The following DLGAP1 variants were observed in gnomAD, a reference collection of about 807,000 sequenced individuals.
The protein encoded by DLGAP1 is DLG associated protein 1.
In DLGAP1, 11 loss-of-function variants were observed where a neutral mutation model predicts 90.8. The observed-to-expected ratio is 0.12, with a 90% CI of 0.08 to 0.20. The LOEUF (loss-of-function observed/expected upper bound fraction) is 0.20. Ranked by LOEUF, DLGAP1 falls within the 10% of genes least tolerant of loss-of-function variation. The pLI, the probability that DLGAP1 is intolerant of heterozygous loss-of-function variation, is 1.00. For missense variants in DLGAP1, 1,050 were observed against 1,333.8 expected (o/e 0.79, Z 3.31); for synonymous variants, 558 against 540.7 (o/e 1.03, Z -0.44).
chr18:4,208,132 CAACA>C (rs1468782690), intron 1 of DLGAP1, among the ~76,000 whole-genome samples: 1 of 152,146 alleles, frequency 6.6e-6, no homozygotes, highest in African/African-American at 2.4e-5. Context: ...ATTCTTGATA[CAACA>C]ATCAGAGAGG....
chr18:3,610,662 C>T (rs1035133751), intron 7 of DLGAP1, among the ~76,000 whole-genome samples: 1 of 151,486 alleles, frequency 6.6e-6, no homozygotes, highest in Non-Finnish European at 1.5e-5. Context: ...TGGCAAAATG[C>T]TGTCTACTAA....
At chr18:3,807,529 G>A (rs1251061178) in intron 5 of DLGAP1, among the ~76,000 whole-genome samples, 1 of 152,122 alleles carries the variant, frequency 6.6e-6, no homozygotes, top group Non-Finnish European at 1.5e-5. Flanking sequence ...CGTATGTAAA[G>A]CCCGTAGCAC....
chr18:3,691,426 C>CA (rs34761241), intron 7 of DLGAP1, among the ~76,000 whole-genome samples: 1,873 of 123,598 alleles, frequency 0.015, 23 homozygotes, highest in South Asian at 0.056. Context: ...GACTCTGTCT[C>CA]AAAAAAAAAA....
At chr18:4,242,455 A>T (rs1489004257) in intron 1 of DLGAP1, among the ~76,000 whole-genome samples, 1 of 152,172 alleles carries the variant, frequency 6.6e-6, no homozygotes, top group Non-Finnish European at 1.5e-5. Flanking sequence ...GCCAGGCATT[A>T]AGGAGGATTT....
In DLGAP1 at chr18:4,413,872, T is replaced by C. The variant is rs139584927; in HGVS notation, c.-267+41134A>G. Among the ~76,000 whole-genome samples, 767 of 152,342 alleles carry C rather than the reference T, an allele frequency of 5.0e-3. 6 individuals carry two copies. Among genetic ancestry groups the C allele is most frequent in the African/African-American group, 0.018 (738 of 41,582 alleles). On this transcript the variant is annotated intron_variant, in intron 1 of 12. Transcript: ENST00000315677. ...TTACAGCATGGCCACACTTTATTTA[T>C]ATACTCTATACTTCAAGAAAACGGT...
intron 7 of DLGAP1, among the ~76,000 whole-genome samples, chr18:3,637,632 A>G (rs2058765712): frequency 6.6e-6 from 1 of 151,252 alleles, no homozygotes; most frequent in South Asian, 2.1e-4. Context: ...CTATAGTCCC[A>G]GCTACTCAAG....
At position 4,439,683 on chromosome 18, in the gene DLGAP1, C is replaced by G. The variant is rs1289893223; in HGVS notation, c.-267+15323G>C. Among the ~76,000 whole-genome samples the G allele has an allele frequency of 4.6e-5, 7 of 152,008 alleles. No individual in the cohort carries two copies. In the East Asian group the frequency reaches 1.2e-3, roughly 25 times the overall value. ...AACTAGCCAGGCATGGTGGCACACA[C>G]CTGTAGTTCCAAACTACTCAGGAGG... On this transcript the variant is annotated intron_variant, in intron 1 of 12. Coordinates refer to ENST00000315677, the MANE Select transcript of DLGAP1 (RefSeq NM_004746.4).
At chr18:4,309,213 C>T (rs1324250663) in intron 1 of DLGAP1, among the ~76,000 whole-genome samples, 1 of 152,162 alleles carries the variant, frequency 6.6e-6, no homozygotes, top group Non-Finnish European at 1.5e-5. Flanking sequence ...CAGCATTGTG[C>T]TTTGGGGTTC....
At chr18:3,963,716 C>T (rs1442381) in intron 3 of DLGAP1, among the ~76,000 whole-genome samples, 57,041 of 151,392 alleles carry the variant, frequency 0.38, 10,858 homozygotes, top group Non-Finnish European at 0.38. Flanking sequence ...TTGATATATG[C>T]CCTTGTCCCT....
chr18:3,615,347 C>A (rs1321871326), intron 7 of DLGAP1, among the ~76,000 whole-genome samples: 5 of 152,126 alleles, frequency 3.3e-5, no homozygotes, highest in African/African-American at 1.2e-4. Context: ...GATTGGGGAG[C>A]CTCTATTTTC....
At chr18:3,584,019 A>G (rs1400361341) in intron 7 of DLGAP1, among the ~76,000 whole-genome samples, 4 of 152,070 alleles carry the variant, frequency 2.6e-5, no homozygotes, top group Non-Finnish European at 4.4e-5. Context: ...GTCAAGGTCT[A>G]TTTGGAGGCT....
rs2081267134 is a variant in DLGAP1 at position 4,344,524 on chromosome 18, T to C, written c.-267+110482A>G. On this transcript the variant is annotated intron_variant, in intron 1 of 12. Coordinates refer to ENST00000315677, the MANE Select transcript of DLGAP1 (RefSeq NM_004746.4). ...GTAGAAGAGTTTACAGATGAGAAACTTATGTCCTCATAGAGAAAACAGAGA... is the reference window on the plus strand; with the variant it reads ...GTAGAAGAGTTTACAGATGAGAAACCTATGTCCTCATAGAGAAAACAGAGA... Among the ~76,000 whole-genome samples the C allele has an allele frequency of 2.0e-5, 3 of 152,326 alleles. No homozygotes were observed. The South Asian group carries it at 6.2e-4, about 32-fold the overall frequency.
At chr18:3,542,233 A>G (rs1370267569) in intron 9 of DLGAP1, among the ~76,000 whole-genome samples, 1 of 152,182 alleles carries the variant, frequency 6.6e-6, no homozygotes, top group East Asian at 1.9e-4. Context: ...ATCTGCTCCC[A>G]TTTCCACCCC....
intron 5 of DLGAP1, among the ~76,000 whole-genome samples, chr18:3,763,880 G>A (rs751976735): frequency 3.3e-5 from 5 of 151,928 alleles, no homozygotes; most frequent in Admixed American, 1.3e-4. Flanking sequence ...CAGGCTGGTC[G>A]CGAACTACTG....
intron 5 of DLGAP1, among the ~76,000 whole-genome samples, chr18:3,793,047 A>C (rs1051530880): frequency 8.5e-5 from 13 of 152,266 alleles, no homozygotes; most frequent in Middle Eastern, 3.4e-3. Flanking sequence ...ATCACAGCTC[A>C]CAAGTGCGGC....
At chr18:4,143,562 C>T (rs8085907) in intron 2 of DLGAP1, among the ~76,000 whole-genome samples, 3,252 of 151,904 alleles carry the variant, frequency 0.021, 102 homozygotes, top group African/African-American at 0.073. Context: ...AGTCAAGAGA[C>T]AAGGCCTGGT....
chr18:4,080,992 G>C (rs918604377), intron 2 of DLGAP1, among the ~76,000 whole-genome samples: 3 of 151,524 alleles, frequency 2.0e-5, no homozygotes, highest in African/African-American at 7.3e-5. Flanking sequence ...TGGTTCAAGT[G>C]ATTCTCCTGC....
intron 2 of DLGAP1, among the ~76,000 whole-genome samples, chr18:4,103,917 C>T (rs927124296): frequency 2.6e-5 from 4 of 152,056 alleles, no homozygotes; most frequent in Non-Finnish European, 1.5e-5. Flanking sequence ...ATTTTTAATG[C>T]TTTAGAGTCA....
chr18:4,174,534 C>G (rs1047409033), intron 1 of DLGAP1, among the ~76,000 whole-genome samples: 1 of 152,022 alleles, frequency 6.6e-6, no homozygotes, highest in African/African-American at 2.4e-5. Flanking sequence ...GGGGTTTCAC[C>G]ATCTTGGTCA....
Sources: allele counts gnomAD v4.1 joint callset (sites outside exome capture counted in the v4.1 genomes callset), GRCh38; gene constraint gnomAD v4.1.1; transcripts MANE v1.5; gene names NCBI Gene and HGNC (gene_info 2026-07-23, HGNC 2026-07-21).